Variants in CSNK1G2 observed in about 807,000 individuals in gnomAD.
CSNK1G2 encodes the protein casein kinase I isoform gamma-2.
In CSNK1G2, 11 loss-of-function variants were observed where a neutral mutation model predicts 48.0. The ratio of observed to expected loss-of-function variants is 0.23; its 90% CI spans 0.14 to 0.38. The LOEUF (loss-of-function observed/expected upper bound fraction) is 0.38, where lower values mean the gene tolerates loss of function less well. Among genes scored for constraint, CSNK1G2 ranks in the 10% least tolerant of loss-of-function variants. The pLI is 1.00. For synonymous variants in CSNK1G2, 337 were observed against 254.1 expected, an observed-to-expected ratio of 1.33 and a Z score of -3.10; for missense variants, 446 against 595.5, an observed-to-expected ratio of 0.75 and a Z score of 2.61.
At chr19:1,953,001 C>T (rs146078839) in intron 1 of CSNK1G2, 2 of 420,670 alleles carry the variant, frequency 4.8e-6, no homozygotes, top group Non-Finnish European at 9.3e-6. Flanking sequence ...GGTGGCAGAG[C>T]GAGACTCCGT....
At chr19:1,972,683 C>T (rs2015612243) in intron 2 of CSNK1G2, among the ~76,000 whole-genome samples, 1 of 152,176 alleles carries the variant, frequency 6.6e-6, no homozygotes, top group Non-Finnish European at 1.5e-5. Flanking sequence ...AGTGCAGTGG[C>T]ACCATCTCGG....
At chr19:1,953,870 C>T (rs1324385940) in intron 1 of CSNK1G2, 1 of 533,786 alleles carries the variant, frequency 1.9e-6, no homozygotes, top group South Asian at 1.4e-5. Flanking sequence ...CTGATGGCGA[C>T]CTGTGACGGC....
intron 1 of CSNK1G2, among the ~76,000 whole-genome samples, chr19:1,945,573 G>C (rs1420834484): frequency 1.3e-5 from 2 of 152,236 alleles, no homozygotes; most frequent in Non-Finnish European, 2.9e-5. Flanking sequence ...TGTCATCCCA[G>C]CACTTTGGGA....
chr19:1,951,026 C>T (rs947601546), intron 1 of CSNK1G2, among the ~76,000 whole-genome samples: 1 of 145,784 alleles, frequency 6.9e-6, no homozygotes, highest in African/African-American at 2.6e-5. Flanking sequence ...TGTGTCTGTC[C>T]CCTGCTGTTG....
At chr19:1,953,955 C>T in intron 1 of CSNK1G2, 2 of 533,802 alleles carry the variant, frequency 3.7e-6, no homozygotes, top group Non-Finnish European at 7.7e-6. Context: ...TTGGCTTCTG[C>T]CATGGACGGG....
At chr19:1,977,969 G>T (rs1383268073) in intron 2 of CSNK1G2, among the ~76,000 whole-genome samples, 3 of 152,112 alleles carry the variant, frequency 2.0e-5, no homozygotes, top group Non-Finnish European at 4.4e-5. Flanking sequence ...AGAAAGGGGT[G>T]GAGGAGTGTG....
chr19:1,975,336 C>T lies in CSNK1G2; in HGVS notation c.188-2969C>T, dbSNP rs36047053. Reference sequence around the variant, plus strand: ...GCTTGTCCTCCTCAGCCTGGGGGAGCGCAGCTCAGTGCTTGGTGGTCAGCA... The same window carrying T: ...GCTTGTCCTCCTCAGCCTGGGGGAGTGCAGCTCAGTGCTTGGTGGTCAGCA... On this transcript the variant is annotated intron_variant, in intron 2 of 11. Transcript: ENST00000255641. The T allele has an allele frequency of 2.6e-3, 2,590 of 985,466 alleles. 6 individuals carry two copies. Among genetic ancestry groups the T allele is most frequent in the Non-Finnish European group, 3.0e-3 (2,468 of 829,940 alleles). 61.0% of individuals were successfully genotyped at this position (985,466 alleles called of 1,614,324 possible).
rs373904405 is a variant in CSNK1G2 at position 1,950,605 on chromosome 19, G to A, written c.-266+9187G>A. On this transcript the variant is annotated intron_variant, in intron 1 of 11. Transcript: ENST00000255641. Reference sequence around the variant, plus strand: ...TCTGAGGCCTCTGGGAGACAGGAGGGGGTGCACTTAGAAACAGCCAAGGCC... The same window carrying A: ...TCTGAGGCCTCTGGGAGACAGGAGGAGGTGCACTTAGAAACAGCCAAGGCC... Among the ~76,000 whole-genome samples the A allele has an allele frequency of 3.5e-3, 508 of 146,452 alleles. 73 individuals are homozygous for A. Among genetic ancestry groups the A allele is most frequent in the African/African-American group, 0.013 (480 of 38,344 alleles).
At chr19:1,966,244 C>T (rs115836327) in intron 1 of CSNK1G2, among the ~76,000 whole-genome samples, 238 of 152,250 alleles carry the variant, frequency 1.6e-3, no homozygotes, top group African/African-American at 5.4e-3. Context: ...GTGAAGGACA[C>T]GCGTGATCCA....
At chr19:1,979,713 C>G in intron 9 of CSNK1G2, 39 bp from the exon 10 acceptor site, 1 of 1,602,748 alleles carries the variant, frequency 6.2e-7, no homozygotes. Context: ...TGGGAACCGG[C>G]GCTGCAGCCC....
Position 1,978,778 on chromosome 19 carries a change from C to T in CSNK1G2, c.447+28C>T. The T allele has an allele frequency of 1.3e-6, 2 of 1,568,420 alleles. No individual in the cohort carries two copies. The highest frequency in any genetic ancestry group is 1.7e-4 in the Middle Eastern group (1 of 5,900). On this transcript the variant is annotated intron_variant, in intron 5 of 11. Transcript: ENST00000255641. The surrounding 1 kb of genome is among the most constrained non-coding windows in gnomAD (Gnocchi z 7.3). ...GCGCGGCGGGCGGGGCGGGGCGGGGCTCGGAGGGAAGAGGGTGGCCCTGGA... is the reference window on the plus strand; with the variant it reads ...GCGCGGCGGGCGGGGCGGGGCGGGGTTCGGAGGGAAGAGGGTGGCCCTGGA...
In CSNK1G2 at chr19:1,979,529, C is replaced by G. The variant is rs1568207279; in HGVS notation, c.888C>G (p.Arg296=). ...EMATYLRYVR[R]LDFFEKPDYD... ...CCACGTACCTGCGCTATGTGCGGCG[C>G]CTGGACTTCTTCGAGAAGCCCGACT... The change falls in exon 9 of 12, where the codon CGC becomes CGG. Residue 296 remains arginine (R), a synonymous_variant. Transcript: ENST00000255641. 1.2e-6 allele frequency: 2 copies of G among 1,602,592 alleles called. No homozygotes were observed. The highest frequency in any genetic ancestry group is 1.7e-6 in the Non-Finnish European group (2 of 1,176,804).
At chr19:1,955,740 C>A (rs1362451540) in intron 1 of CSNK1G2, among the ~76,000 whole-genome samples, 1 of 152,208 alleles carries the variant, frequency 6.6e-6, no homozygotes, top group East Asian at 1.9e-4. Flanking sequence ...CGTGCCACTG[C>A]TGTCACCGGA....
chr19:1,962,291 A>G (rs897517716), intron 1 of CSNK1G2, among the ~76,000 whole-genome samples: 1 of 150,730 alleles, frequency 6.6e-6, no homozygotes, highest in African/African-American at 2.5e-5. Flanking sequence ...AGTTCGTGCC[A>G]CTGCACTCCA....
chr19:1,968,587 A>T (rs1238931224), intron 1 of CSNK1G2, among the ~76,000 whole-genome samples: 7 of 152,032 alleles, frequency 4.6e-5, no homozygotes, highest in Non-Finnish European at 1.0e-4. Context: ...TGGGCTCGGG[A>T]GCATTTAAGG....
intron 1 of CSNK1G2, among the ~76,000 whole-genome samples, chr19:1,945,817 G>A (rs551171429): frequency 8.0e-5 from 8 of 99,816 alleles, no homozygotes; most frequent in African/African-American, 1.6e-4. Flanking sequence ...GCGAGACTCC[G>A]TCTCAAAAAA....
At chr19:1,953,273 G>C in intron 1 of CSNK1G2, 1 of 438,342 alleles carries the variant, frequency 2.3e-6, no homozygotes, top group Non-Finnish European at 4.7e-6. Context: ...GCAAGACCAG[G>C]TCAGCTCTGC....
chr19:1,980,344 C>T lies in CSNK1G2; in HGVS notation c.*141C>T, dbSNP rs748291030. Reference sequence around the variant, plus strand: ...CAGAACGCAGACTGCAGGGGCCGCGCCTGGCTCAGGCGGCCCCACCCCCGG... The same window carrying T: ...CAGAACGCAGACTGCAGGGGCCGCGTCTGGCTCAGGCGGCCCCACCCCCGG... On this transcript the variant is annotated 3_prime_UTR_variant, in exon 12 of 12. Transcript: ENST00000255641. The T allele has an allele frequency of 2.8e-6, 3 of 1,070,872 alleles. No individual in the cohort carries two copies. In the South Asian group the frequency reaches 4.1e-5, roughly 15 times the overall value. 66.3% of individuals were successfully genotyped at this position (1,070,872 alleles called of 1,614,324 possible). A position where few individuals can be genotyped will look rare whatever the true frequency, so the allele number is the denominator to read the frequency against.
chr19:1,967,728 C>T (rs1410994047), intron 1 of CSNK1G2, among the ~76,000 whole-genome samples: 1 of 76,550 alleles, frequency 1.3e-5, no homozygotes, highest in African/African-American at 7.4e-5. Flanking sequence ...AGGTGGGGCT[C>T]CTCCTTCCTC....
Sources: allele counts gnomAD v4.1 joint callset (sites outside exome capture counted in the v4.1 genomes callset), GRCh38; gene constraint gnomAD v4.1.1; non-coding constraint Gnocchi (gnomAD v3.1); transcripts MANE v1.5; gene names NCBI Gene and HGNC (gene_info 2026-07-23, HGNC 2026-07-21).